AK8: variants seen among roughly 807,000 people sequenced by gnomAD.
AK8 encodes the protein ATP-AMP transphosphorylase 8.
Under a neutral mutation model 54.6 loss-of-function variants are expected in AK8, and 44 were observed. That is an observed-to-expected ratio of 0.81 (90% confidence interval 0.63 to 1.04). The LOEUF (loss-of-function observed/expected upper bound fraction) is 1.04. Among genes scored for constraint, AK8 ranks in the 50% least tolerant of loss-of-function variants. AK8 has a pLI of 0.00. For missense variants in AK8, 555 were observed against 613.6 expected (o/e 0.90, Z 1.01); for synonymous variants, 239 against 245.6 (o/e 0.97, Z 0.25).
intron 6 of AK8, among the ~76,000 whole-genome samples, chr9:132,828,358 T>G (rs958612095): frequency 6.6e-6 from 1 of 152,238 alleles, no homozygotes; most frequent in Non-Finnish European, 1.5e-5. Flanking sequence ...AATGGGCATC[T>G]CTGTGCGCAC....
intron 5 of AK8, among the ~76,000 whole-genome samples, chr9:132,829,020 A>G (rs533004743): frequency 1.3e-5 from 2 of 151,376 alleles, no homozygotes; most frequent in Admixed American, 1.3e-4. Flanking sequence ...GCAATGGCAC[A>G]ATCTCGGCAC....
chr9:132,815,248 T>C (rs901678002), intron 9 of AK8, among the ~76,000 whole-genome samples: 4 of 152,194 alleles, frequency 2.6e-5, no homozygotes, highest in African/African-American at 7.2e-5. Flanking sequence ...CACAATACGA[T>C]AGATTCATAT....
Position 132,827,875 on chromosome 9 carries a change from C to T in AK8, c.556+138G>A, listed in dbSNP as rs1229933847. 6 of 803,406 alleles carry T rather than the reference C, an allele frequency of 7.5e-6. No homozygotes were observed. In the East Asian group the frequency reaches 1.4e-4, roughly 18 times the overall value. 49.8% of individuals were successfully genotyped at this position (803,406 alleles called of 1,614,324 possible). ...CTTGCCAGTGTCTTCCAGCTCAGAG[C>T]CCAGCCTGTGGCAGCCTTCCTCGTG... On this transcript the variant is annotated intron_variant, in intron 7 of 12. Coordinates refer to ENST00000298545, the MANE Select transcript of AK8 (RefSeq NM_152572.3).
intron 10 of AK8, among the ~76,000 whole-genome samples, chr9:132,793,495 G>T (rs1009562211): frequency 6.6e-6 from 1 of 152,164 alleles, no homozygotes; most frequent in Non-Finnish European, 1.5e-5. Context: ...AAAGCTCTCT[G>T]CCAGTCTGTG....
chr9:132,821,318 A>G (rs1167336977), intron 9 of AK8, among the ~76,000 whole-genome samples: 5 of 152,150 alleles, frequency 3.3e-5, no homozygotes, highest in Non-Finnish European at 7.3e-5. Flanking sequence ...TGCTTACGTA[A>G]GCAAGTGATG....
At chr9:132,738,299 C>T (rs1349434250) in intron 11 of AK8, among the ~76,000 whole-genome samples, 4 of 152,020 alleles carry the variant, frequency 2.6e-5, no homozygotes, top group Non-Finnish European at 5.9e-5. Context: ...GTGATCTGCC[C>T]GCCTCAGCCT....
chr9:132,754,887 C>T (rs1010117055), intron 11 of AK8, among the ~76,000 whole-genome samples: 5 of 151,696 alleles, frequency 3.3e-5, no homozygotes. Flanking sequence ...GCAACCTCCA[C>T]CTCCTGGATT....
At chr9:132,863,596 A>G in intron 4 of AK8, 69 bp downstream of exon 4, 4 of 1,043,734 alleles carry the variant, frequency 3.8e-6, no homozygotes, top group Non-Finnish European at 2.9e-6. Context: ...AGCAATGGTC[A>G]GGTGGCAGTG....
chr9:132,814,577 CA>C (rs1305325435), intron 10 of AK8, 60 bp downstream of exon 10: 5 of 1,518,282 alleles, frequency 3.3e-6, no homozygotes, highest in Non-Finnish European at 3.6e-6. Context: ...GAGAGCCGCA[CA>C]AAAAGAAAGT....
chr9:132,765,867 G>A (rs181351919), intron 11 of AK8, among the ~76,000 whole-genome samples: 48 of 152,256 alleles, frequency 3.2e-4, no homozygotes, highest in Admixed American at 1.8e-3. Flanking sequence ...AGAAATAAAG[G>A]TCATCCAAAT....
chr9:132,736,661 C>T (rs898821413), intron 11 of AK8, among the ~76,000 whole-genome samples: 9 of 150,864 alleles, frequency 6.0e-5, no homozygotes, highest in African/African-American at 1.7e-4. Flanking sequence ...GGTGGGCGCC[C>T]GTAGTCCCAG....
intron 11 of AK8, among the ~76,000 whole-genome samples, chr9:132,783,125 G>A (rs1166344573): frequency 1.3e-5 from 2 of 152,208 alleles, no homozygotes; most frequent in African/African-American, 4.8e-5. Context: ...GGTTATCTGG[G>A]TAGGCCCAAT....
intron 11 of AK8, among the ~76,000 whole-genome samples, chr9:132,747,133 G>C (rs1218505561): frequency 6.6e-6 from 1 of 152,176 alleles, no homozygotes; most frequent in Non-Finnish European, 1.5e-5. Flanking sequence ...ATATGGACAA[G>C]ATTTCTCATT....
chr9:132,735,054 T>G (rs1259961619), intron 11 of AK8, among the ~76,000 whole-genome samples: 1 of 152,020 alleles, frequency 6.6e-6, no homozygotes, highest in African/African-American at 2.4e-5. Flanking sequence ...AAATGAAAGC[T>G]CCTTGGGTGG....
At chr9:132,815,157 G>A (rs557561090) in intron 9 of AK8, among the ~76,000 whole-genome samples, 3 of 152,358 alleles carry the variant, frequency 2.0e-5, no homozygotes, top group East Asian at 3.9e-4. Flanking sequence ...TTGCACCCTT[G>A]TTACACAGCA....
intron 11 of AK8, among the ~76,000 whole-genome samples, chr9:132,729,393 T>C (rs1836725524): frequency 6.6e-6 from 1 of 152,102 alleles, no homozygotes; most frequent in South Asian, 2.1e-4. Context: ...CCTGGGACAG[T>C]GTGTGAACAA....
At chr9:132,792,571 A>T (rs943692956) in intron 11 of AK8, 63 bp downstream of exon 11, 1 of 1,510,478 alleles carries the variant, frequency 6.6e-7, no homozygotes, top group Non-Finnish European at 8.9e-7. Flanking sequence ...CCTTCAGCTG[A>T]GCCCTGGAGA....
At position 132,826,762 on chromosome 9, in the gene AK8, C is replaced by T. The variant is rs1588177773; in HGVS notation, c.757+92G>A. 2.1e-6 allele frequency: 3 copies of T among 1,408,872 alleles called. No homozygotes were observed. In the East Asian group the frequency reaches 6.9e-5, roughly 32 times the overall value. The allele number at this position is 1,408,872 out of a possible 1,614,324, so 87.3% of individuals were successfully genotyped here. A position where few individuals can be genotyped will look rare whatever the true frequency, so the allele number is the denominator to read the frequency against. ...GTCCCAGGCATGTCCCAGACACTGG[C>T]CACTACCAGAATAAGGGACAAAGTG... is the stretch of plus-strand genomic sequence containing the variant. On this transcript the variant is annotated intron_variant, in intron 8 of 12. Coordinates refer to ENST00000298545, the MANE Select transcript of AK8 (RefSeq NM_152572.3). This position sits in a 1 kb window ranked among gnomAD's most constrained non-coding sequence, Gnocchi z 4.5.
At chr9:132,835,932 T>C (rs1441211311) in intron 5 of AK8, among the ~76,000 whole-genome samples, 1 of 152,182 alleles carries the variant, frequency 6.6e-6, no homozygotes, top group Non-Finnish European at 1.5e-5. Flanking sequence ...GAGACCAGCC[T>C]GATCAACATG....
Sources: gnomAD v4.1 joint callset for allele counts (sites outside exome capture counted in the v4.1 genomes callset) on GRCh38, gnomAD v4.1.1 for gene constraint, Gnocchi (gnomAD v3.1) non-coding constraint, MANE v1.5 for transcripts, NCBI Gene and HGNC (gene_info 2026-07-23, HGNC 2026-07-21) for gene names.